The following KIF16B variants were observed in gnomAD, a reference collection of about 807,000 sequenced individuals.
KIF16B encodes kinesin-like protein KIF16B.
KIF16B carries 98 observed loss-of-function variants against 156.3 expected under a neutral mutation model. The ratio of observed to expected loss-of-function variants is 0.63; its 90% CI spans 0.53 to 0.74. KIF16B has a LOEUF of 0.74. Among genes scored for constraint, KIF16B ranks in the 30% least tolerant of loss-of-function variants. The probability of loss-of-function intolerance (pLI) is 0.00; values close to 1 mark genes in which losing one functional copy is unlikely to be tolerated. For missense variants in KIF16B, 1,421 were observed against 1,606.5 expected (o/e 0.88, Z 1.97); for synonymous variants, 564 against 583.7 (o/e 0.97, Z 0.49).
chr20:16,464,483 A>G (rs1317630483), intron 12 of KIF16B, among the ~76,000 whole-genome samples: 1 of 152,212 alleles, frequency 6.6e-6, no homozygotes, highest in African/African-American at 2.4e-5. Flanking sequence ...CATTTTAAAA[A>G]GTGACATAAA....
chr20:16,272,450 T>C lies in KIF16B; in HGVS notation c.*803A>G, dbSNP rs6043845. The stretch of plus-strand genomic sequence containing the variant: ...TAGATTCTGTAACAAAAAATGTGAA[T>C]AATACTTAAAAATATGCATTTAGCT... On this transcript the variant is annotated 3_prime_UTR_variant, in exon 26 of 26. Coordinates refer to ENST00000354981, the MANE Select transcript of KIF16B (RefSeq NM_024704.5). 37 of 152,748 alleles carry C rather than the reference T, an allele frequency of 2.4e-4. No homozygotes were observed. The highest frequency in any genetic ancestry group is 8.4e-4 in the African/African-American group (35 of 41,580). The allele number at this position is 152,748 out of a possible 1,614,324, so 9.5% of individuals were successfully genotyped here. A position where few individuals can be genotyped will look rare whatever the true frequency, so the allele number is the denominator to read the frequency against.
chr20:16,502,977 G>C (rs141603866), intron 10 of KIF16B, among the ~76,000 whole-genome samples: 1 of 152,162 alleles, frequency 6.6e-6, no homozygotes, highest in Non-Finnish European at 1.5e-5. Context: ...CACTTTGGGA[G>C]GCCAAGGCGG....
At chr20:16,375,266 G>T (rs549479245) in intron 19 of KIF16B, among the ~76,000 whole-genome samples, 1 of 152,118 alleles carries the variant, frequency 6.6e-6, no homozygotes, top group African/African-American at 2.4e-5. Context: ...ATTTAAACAC[G>T]GGTCTCAATT....
At chr20:16,514,248 ATG>A (rs1206851203) in intron 4 of KIF16B, among the ~76,000 whole-genome samples, 23 of 152,130 alleles carry the variant, frequency 1.5e-4, no homozygotes, top group Admixed American at 1.4e-3. Context: ...GTGAGAAGTA[ATG>A]ATAAAAGGAA....
intron 1 of KIF16B, among the ~76,000 whole-genome samples, chr20:16,553,437 G>T (rs754377131): frequency 6.6e-6 from 1 of 152,142 alleles, no homozygotes; most frequent in Non-Finnish European, 1.5e-5. Context: ...GGTGGGGATC[G>T]TACCCTTACT....
rs1324354273 is a variant in KIF16B, at chr20:16,379,380, CA to C, written c.2621del (p.Leu874CysfsTer22). The C allele has an allele frequency of 1.2e-6, 2 of 1,602,658 alleles. No homozygotes were observed. The highest frequency in any genetic ancestry group is 2.7e-5 in the African/African-American group (2 of 74,204). On this transcript the variant is annotated frameshift_variant, in exon 19 of 26. Transcript: ENST00000354981. LOFTEE classifies it high-confidence loss of function. The part of the protein sequence containing the change: ...LKCEHDKESR[L>X]LEKHDESVTD... ...TGACACTCTCATCATGTTTTTCCAA[CA>C]ATCTAGATTCTTTGTCATGTTCACA...
chr20:16,488,006 C>T (rs2068173366), intron 12 of KIF16B, among the ~76,000 whole-genome samples: 2 of 152,182 alleles, frequency 1.3e-5, no homozygotes, highest in Admixed American at 6.5e-5. Flanking sequence ...CAAGGAAAAG[C>T]CTCTCCAGCT....
intron 1 of KIF16B, among the ~76,000 whole-genome samples, chr20:16,540,482 A>G (rs1212057614): frequency 6.6e-6 from 1 of 152,234 alleles, no homozygotes; most frequent in Non-Finnish European, 1.5e-5. Context: ...CTACATCCTT[A>G]CGTGGCATGA....
rs148044119 is a variant in KIF16B, at chr20:16,494,971, G to A, written c.1243-621C>T. On this transcript the variant is annotated intron_variant, in intron 11 of 25. Transcript: ENST00000354981. The stretch of plus-strand genomic sequence containing the variant: ...AGGGGAGTAAACACGCTCAACCGCT[G>A]AACACAGCACAGTTGGAAATTGCTT... Among the ~76,000 whole-genome samples the A allele has an allele frequency of 3.6e-3, 542 of 152,324 alleles. 3 individuals are homozygous for A. The highest frequency in any genetic ancestry group is 5.8e-3 in the Non-Finnish European group (392 of 68,026).
chr20:16,462,852 A>G (rs2067384431), intron 12 of KIF16B, among the ~76,000 whole-genome samples: 1 of 152,232 alleles, frequency 6.6e-6, no homozygotes, highest in South Asian at 2.1e-4. Flanking sequence ...GGAGCCAAGC[A>G]CATTCGACAT....
At chr20:16,515,431 TAA>T in intron 4 of KIF16B, 115 bp downstream of exon 4, 1 of 610,978 alleles carries the variant, frequency 1.6e-6, no homozygotes, top group Non-Finnish European at 2.9e-6. Flanking sequence ...ATCTTATTAC[TAA>T]AGAATAATCA....
At chr20:16,301,636 G>A (rs1241837483) in intron 25 of KIF16B, among the ~76,000 whole-genome samples, 2 of 151,990 alleles carry the variant, frequency 1.3e-5, no homozygotes, top group African/African-American at 4.8e-5. Context: ...TTGGTGAGAT[G>A]TCTGTCCAAG....
intron 7 of KIF16B, 62 bp from the exon 8 acceptor site, chr20:16,506,252 A>G (rs1321888796): frequency 1.4e-6 from 2 of 1,388,108 alleles, no homozygotes; most frequent in Non-Finnish European, 2.0e-6. Flanking sequence ...TGTTGATGAT[A>G]TGAATTCTAA....
intron 12 of KIF16B, among the ~76,000 whole-genome samples, chr20:16,454,860 C>T (rs575052805): frequency 1.7e-4 from 26 of 152,234 alleles, no homozygotes; most frequent in African/African-American, 6.0e-4. Flanking sequence ...GCAATGAGCA[C>T]CCTAGTTCTC....
intron 22 of KIF16B, chr20:16,367,222 G>A (rs776727037): frequency 1.2e-6 from 2 of 1,612,830 alleles, no homozygotes; most frequent in South Asian, 1.1e-5. Flanking sequence ...GACCTCAGGT[G>A]CGACATTCTG....
intron 15 of KIF16B, among the ~76,000 whole-genome samples, chr20:16,423,144 T>C (rs952003757): frequency 2.0e-5 from 3 of 152,176 alleles, no homozygotes; most frequent in South Asian, 2.1e-4. Context: ...TTATAATAAA[T>C]GGCATACCAA....
intron 12 of KIF16B, among the ~76,000 whole-genome samples, chr20:16,456,451 A>G (rs1275540231): frequency 6.6e-6 from 1 of 152,124 alleles, no homozygotes; most frequent in South Asian, 2.1e-4. Context: ...ATACACACAC[A>G]CACACACGTG....
chr20:16,551,393 T>G (rs2070656592), intron 1 of KIF16B, among the ~76,000 whole-genome samples: 1 of 152,172 alleles, frequency 6.6e-6, no homozygotes, highest in Admixed American at 6.5e-5. Flanking sequence ...CCTCCCAAAG[T>G]GCTGGGATTA....
chr20:16,435,306 C>G (rs1458521145), intron 12 of KIF16B, among the ~76,000 whole-genome samples: 1 of 152,202 alleles, frequency 6.6e-6, no homozygotes, highest in African/African-American at 2.4e-5. Context: ...GCATGTTGGG[C>G]AGTATGGTAC....
Sources: allele counts gnomAD v4.1 joint callset (sites outside exome capture counted in the v4.1 genomes callset), GRCh38; gene constraint gnomAD v4.1.1; transcripts MANE v1.5; gene names NCBI Gene and HGNC (gene_info 2026-07-23, HGNC 2026-07-21).